The following GREB1L variants were observed in gnomAD, a reference collection of about 807,000 sequenced individuals.
The protein encoded by GREB1L is GREB1-like protein.
In GREB1L, 17 loss-of-function variants were observed where a neutral mutation model predicts 200.8. The observed-to-expected ratio is 0.08, with a 90% CI of 0.06 to 0.13. The LOEUF is 0.13. GREB1L is among the 10% of genes least tolerant of loss of function. The probability of loss-of-function intolerance (pLI) is 1.00; values close to 1 mark genes in which losing one functional copy is unlikely to be tolerated. For synonymous variants in GREB1L, 789 were observed against 893.0 expected (o/e 0.88, Z 2.08); for missense variants, 1,657 against 2,367.7 (o/e 0.70, Z 6.23).
At chr18:21,445,747 G>A (rs2034181438) in intron 11 of GREB1L, among the ~76,000 whole-genome samples, 1 of 152,128 alleles carries the variant, frequency 6.6e-6, no homozygotes. Flanking sequence ...ATGGCCTTTT[G>A]AAATTTACAA....
At chr18:21,428,209 A>AG (rs2032782384) in intron 7 of GREB1L, among the ~76,000 whole-genome samples, 1 of 132,112 alleles carries the variant, frequency 7.6e-6, no homozygotes, top group South Asian at 2.1e-4. Flanking sequence ...AAAAAAAAAA[A>AG]AAAAAAAAAA....
Position 21,525,727 on chromosome 18 carries a change from A to G in GREB1L, c.*2906A>G, listed in dbSNP as rs1400183528. 6.6e-6 allele frequency among the ~76,000 whole-genome samples: 1 copy of G among 152,224 alleles called. No individual in the cohort carries two copies. The highest frequency in any genetic ancestry group is 1.9e-4 in the East Asian group (1 of 5,204). ...TTTGAGAGTGTCTCAAAGTTGCTAGAACTATGTAGTATGAAGATGCTGTTA... is the reference window on the plus strand; with the variant it reads ...TTTGAGAGTGTCTCAAAGTTGCTAGGACTATGTAGTATGAAGATGCTGTTA... On this transcript the variant is annotated 3_prime_UTR_variant, in exon 33 of 33. Coordinates refer to ENST00000424526, the MANE Select transcript of GREB1L (RefSeq NM_001142966.3).
intron 1 of GREB1L, among the ~76,000 whole-genome samples, chr18:21,268,489 GTATA>G (rs779141511): frequency 1.6e-5 from 2 of 124,916 alleles, no homozygotes; most frequent in African/African-American, 5.9e-5. Flanking sequence ...GTGTGTGTGT[GTATA>G]TATATACATA....
At chr18:21,450,208 C>T (rs1396002522) in intron 12 of GREB1L, among the ~76,000 whole-genome samples, 3 of 152,104 alleles carry the variant, frequency 2.0e-5, no homozygotes, top group Admixed American at 6.5e-5. Flanking sequence ...AGAAAATTAG[C>T]TCATATATTC....
At chr18:21,247,376 T>G (rs907027912) in intron 1 of GREB1L, among the ~76,000 whole-genome samples, 13 of 152,222 alleles carry the variant, frequency 8.5e-5, no homozygotes, top group African/African-American at 3.1e-4. Flanking sequence ...TGTAGCCATG[T>G]TAGCATAGAT....
chr18:21,289,141 T>C (rs1219622013), intron 1 of GREB1L, among the ~76,000 whole-genome samples: 1 of 152,224 alleles, frequency 6.6e-6, no homozygotes, highest in African/African-American at 2.4e-5. Flanking sequence ...GCTACCCTTC[T>C]GTACATTCAA....
intron 7 of GREB1L, among the ~76,000 whole-genome samples, chr18:21,417,346 AC>A (rs1400723223): frequency 6.6e-6 from 1 of 151,808 alleles, no homozygotes; most frequent in Non-Finnish European, 1.5e-5. Flanking sequence ...ACATGGTGAA[AC>A]CCCATTTCTA....
At chr18:21,292,722 C>G (rs2038470315) in intron 1 of GREB1L, among the ~76,000 whole-genome samples, 1 of 152,184 alleles carries the variant, frequency 6.6e-6, no homozygotes, top group African/African-American at 2.4e-5. Context: ...AAATGCAGCT[C>G]TTGATCAAAA....
At chr18:21,508,095 C>T in intron 25 of GREB1L, 23 bp from the exon 26 acceptor site, 1 of 1,549,840 alleles carries the variant, frequency 6.5e-7, no homozygotes, top group Non-Finnish European at 8.7e-7. Flanking sequence ...TACGTTCCCT[C>T]CCTTTCTTCT....
rs187975019 is a variant in GREB1L at position 21,279,767 on chromosome 18, A to G, written c.-120+37374A>G. ...CTCAAGCAATCCTCCCACCCCAGCCATGAGAGTAGCTGGGACTACAGGTGC... is the reference window on the plus strand; with the variant it reads ...CTCAAGCAATCCTCCCACCCCAGCCGTGAGAGTAGCTGGGACTACAGGTGC... On this transcript the variant is annotated intron_variant, in intron 1 of 32. Transcript: ENST00000424526. 3.9e-5 allele frequency among the ~76,000 whole-genome samples: 6 copies of G among 152,232 alleles called. No individual in the cohort carries two copies. In the Middle Eastern group the frequency reaches 0.01, roughly 259 times the overall value.
intron 2 of GREB1L, among the ~76,000 whole-genome samples, chr18:21,381,390 A>G (rs2040305800): frequency 6.6e-6 from 1 of 152,008 alleles, no homozygotes; most frequent in Non-Finnish European, 1.5e-5. Flanking sequence ...CCTGGGCGAC[A>G]GAGTGAGACT....
At chr18:21,268,530 C>CATATATATGTATATATATAT (rs1567914632) in intron 1 of GREB1L, among the ~76,000 whole-genome samples, 2 of 84,708 alleles carry the variant, frequency 2.4e-5, no homozygotes, top group African/African-American at 1.1e-4. Context: ...TATACACACA[C>CATATATATGTATATATATAT]ACACACACAC....
intron 7 of GREB1L, among the ~76,000 whole-genome samples, chr18:21,414,850 A>C (rs2031465987): frequency 1.3e-5 from 2 of 152,228 alleles, no homozygotes; most frequent in African/African-American, 4.8e-5. Context: ...AACAACTGCA[A>C]CAACAAAATA....
chr18:21,288,301 T>C (rs1381072276), intron 1 of GREB1L, among the ~76,000 whole-genome samples: 1 of 151,536 alleles, frequency 6.6e-6, no homozygotes, highest in African/African-American at 2.4e-5. Flanking sequence ...CTGGGGGAAA[T>C]GGGTGTGAAT....
intron 7 of GREB1L, among the ~76,000 whole-genome samples, chr18:21,419,918 A>G (rs573972475): frequency 4.1e-4 from 63 of 152,378 alleles, no homozygotes; most frequent in African/African-American, 1.4e-3. Flanking sequence ...ATGTTAAACC[A>G]AAAACTATGC....
At chr18:21,432,905 C>A (rs1247893381) in intron 7 of GREB1L, among the ~76,000 whole-genome samples, 2 of 151,840 alleles carry the variant, frequency 1.3e-5, no homozygotes, top group Non-Finnish European at 2.9e-5. Flanking sequence ...CGAGGTTTCC[C>A]CATGTTGGCC....
At chr18:21,488,400 T>A (rs1195990454) in intron 18 of GREB1L, among the ~76,000 whole-genome samples, 2 of 152,228 alleles carry the variant, frequency 1.3e-5, no homozygotes, top group Non-Finnish European at 2.9e-5. Flanking sequence ...ATTTGATAGC[T>A]GTCATTGGCA....
intron 7 of GREB1L, among the ~76,000 whole-genome samples, chr18:21,413,931 G>A (rs1340668475): frequency 1.3e-5 from 2 of 152,206 alleles, no homozygotes; most frequent in Admixed American, 6.5e-5. Flanking sequence ...TTAAAATGCA[G>A]TGCTGGTAAA....
intron 1 of GREB1L, among the ~76,000 whole-genome samples, chr18:21,249,966 A>T (rs1017296100): frequency 3.3e-5 from 5 of 152,210 alleles, no homozygotes; most frequent in Non-Finnish European, 5.9e-5. Flanking sequence ...GAGAAGTGCC[A>T]GAGAGAAAAG....
Sources: allele counts gnomAD v4.1 joint callset (sites outside exome capture counted in the v4.1 genomes callset), GRCh38; gene constraint gnomAD v4.1.1; transcripts MANE v1.5; gene names NCBI Gene and HGNC (gene_info 2026-07-23, HGNC 2026-07-21).